PRRG4: variants seen among roughly 807,000 people sequenced by gnomAD.
PRRG4 encodes the protein transmembrane gamma-carboxyglutamic acid protein 4.
PRRG4 carries 12 observed loss-of-function variants against 20.0 expected under a neutral mutation model. The ratio of observed to expected loss-of-function variants is 0.60; its 90% CI spans 0.38 to 0.97. The LOEUF is 0.97. Ranked by LOEUF, PRRG4 falls within the 50% of genes least tolerant of loss-of-function variation. The pLI is 0.00. For synonymous variants in PRRG4, 94 were observed against 96.4 expected, an observed-to-expected ratio of 0.98 and a Z score of 0.15; for missense variants, 199 against 265.1, an observed-to-expected ratio of 0.75 and a Z score of 1.73.
At chr11:32,839,785 G>A (rs12282866) in intron 4 of PRRG4, among the ~76,000 whole-genome samples, 3 of 140,956 alleles carry the variant, frequency 2.1e-5, no homozygotes, top group African/African-American at 5.2e-5. Context: ...AATATATTTT[G>A]AATACTATTA....
At chr11:32,852,799 GTC>G in intron 5 of PRRG4, among the ~76,000 whole-genome samples, 1 of 145,820 alleles carries the variant, frequency 6.9e-6, no homozygotes, top group South Asian at 2.2e-4. Flanking sequence ...TTTAGATGGA[GTC>G]TCTCTCTGTC....
intron 5 of PRRG4, among the ~76,000 whole-genome samples, chr11:32,844,212 C>T (rs1851105696): frequency 6.6e-6 from 1 of 152,136 alleles, no homozygotes; most frequent in Admixed American, 6.6e-5. Context: ...GTTACTTAAA[C>T]TTATACTCTG....
chr11:32,850,821 G>A (rs1215395927), intron 5 of PRRG4, among the ~76,000 whole-genome samples: 1 of 152,208 alleles, frequency 6.6e-6, no homozygotes, highest in African/African-American at 2.4e-5. Flanking sequence ...TGTAATCCCA[G>A]CACTTTGGGA....
chr11:32,842,001 G>T (rs1164356946), intron 5 of PRRG4, among the ~76,000 whole-genome samples: 1 of 152,052 alleles, frequency 6.6e-6, no homozygotes, highest in Non-Finnish European at 1.5e-5. Flanking sequence ...TTTTTAATTG[G>T]TTAAATATTT....
intron 2 of PRRG4, 119 bp downstream of exon 2, chr11:32,830,751 T>C (rs1048156339): frequency 1.5e-5 from 22 of 1,468,628 alleles, no homozygotes; most frequent in Non-Finnish European, 1.9e-5. Flanking sequence ...ATCCTTTAGT[T>C]TAATTTGTGG....
chr11:32,840,669 AG>A lies in PRRG4; in HGVS notation c.449+432del, dbSNP rs1851068916. 1.3e-5 allele frequency among the ~76,000 whole-genome samples: 2 copies of A among 152,176 alleles called. No homozygotes were observed. The highest frequency in any genetic ancestry group is 6.5e-5 in the Admixed American group (1 of 15,274). On this transcript the variant is annotated intron_variant, in intron 5 of 5. Transcript: ENST00000257836. This position sits in a 1 kb window ranked among gnomAD's most constrained non-coding sequence, Gnocchi z 4.1. ...AAACAACCTAATGATGCTATTTCTA[AG>A]GTCCTTCGAAAGAATACAAGAAGTT...
chr11:32,856,865 C>T lies in PRRG4; in HGVS notation c.*3338C>T, dbSNP rs1232964198. 6.6e-6 allele frequency: 1 copy of T among 152,144 alleles called. No homozygotes were observed. Among genetic ancestry groups the T allele is most frequent in the African/African-American group, 2.4e-5 (1 of 41,422 alleles). The allele number at this position is 152,144 out of a possible 1,614,324, so 9.4% of individuals were successfully genotyped here. ...TTTAATTTTTTGAGACAAGGTCTTGCTCTGCTACCCAGGCTGGAGTGCAGT... is the reference window on the plus strand; with the variant it reads ...TTTAATTTTTTGAGACAAGGTCTTGTTCTGCTACCCAGGCTGGAGTGCAGT... On this transcript the variant is annotated 3_prime_UTR_variant, in exon 6 of 6. Coordinates refer to ENST00000257836, the MANE Select transcript of PRRG4 (RefSeq NM_024081.6).
At chr11:32,843,160 A>C (rs575915495) in intron 5 of PRRG4, among the ~76,000 whole-genome samples, 4 of 152,240 alleles carry the variant, frequency 2.6e-5, no homozygotes, top group African/African-American at 9.6e-5. Context: ...AGTTTAAAGT[A>C]GGTTGTTTCA....
chr11:32,830,589 T>C lies in PRRG4; in HGVS notation c.60T>C (p.His20=). The change falls in exon 2 of 6, where the codon CAT becomes CAC. Residue 20 remains histidine, a synonymous_variant. Coordinates refer to ENST00000257836, the MANE Select transcript of PRRG4 (RefSeq NM_024081.6). ...CCACAGTTACCCTGGGGTTTCCTCA[T>C]TGCGCAAGAGGTCCAAAGGCTTCTA... ...QLPTVTLGFP[H]CARGPKASKH... is the part of the protein sequence containing the mutation. 1 of 1,612,676 alleles carries C rather than the reference T, an allele frequency of 6.2e-7. No homozygotes were observed. The highest frequency in any genetic ancestry group is 2.2e-5 in the East Asian group (1 of 44,858).
intron 2 of PRRG4, 131 bp downstream of exon 2, chr11:32,830,763 A>AT: frequency 7.0e-7 from 1 of 1,421,710 alleles, no homozygotes; most frequent in Non-Finnish European, 9.4e-7. Flanking sequence ...AATTTGTGGC[A>AT]TATTTGGCAA....
intron 5 of PRRG4, among the ~76,000 whole-genome samples, chr11:32,845,853 TA>T (rs1319686448): frequency 2.0e-5 from 3 of 151,710 alleles, no homozygotes; most frequent in Non-Finnish European, 4.4e-5. Context: ...AAAGATTTTT[TA>T]AAAAAATAAT....
chr11:32,836,919 C>A, intron 3 of PRRG4, 98 bp downstream of exon 3: 3 of 948,676 alleles, frequency 3.2e-6, no homozygotes, highest in African/African-American at 1.7e-5. Flanking sequence ...TAAACACAAT[C>A]AGGATTATGT....
At chr11:32,844,128 T>G (rs1183144656) in intron 5 of PRRG4, among the ~76,000 whole-genome samples, 1 of 152,222 alleles carries the variant, frequency 6.6e-6, no homozygotes, top group Non-Finnish European at 1.5e-5. Flanking sequence ...TGGTTCACTG[T>G]GTGAGCTCTG....
chr11:32,847,159 G>A (rs1391452540), intron 5 of PRRG4, among the ~76,000 whole-genome samples: 1 of 151,950 alleles, frequency 6.6e-6, no homozygotes, highest in Non-Finnish European at 1.5e-5. Flanking sequence ...TTTTTTTTGA[G>A]ACAGAGTTTC....
Position 32,831,925 on chromosome 11 carries a change from G to T in PRRG4, c.103+1293G>T, listed in dbSNP as rs149212460. 6.6e-5 allele frequency among the ~76,000 whole-genome samples: 10 copies of T among 152,212 alleles called. 1 individual carries two copies. The East Asian group carries it at 1.9e-3, about 29-fold the overall frequency. On this transcript the variant is annotated intron_variant, in intron 2 of 5. Transcript: ENST00000257836. ...AATCCCAGCTACCCGGGAGGCAGAG[G>T]CTGCAGTGAGCTGAGATCGTGCCAC...
In PRRG4 at chr11:32,830,622, G is replaced by T; in HGVS notation, c.93G>T (p.Ala31=). Residue 31 remains alanine (A), a synonymous_variant, in exon 2 of 6, where the codon GCG becomes GCT. Transcript: ENST00000257836. ...CARGPKASKH[A]GEEVFTSKEE... The stretch of plus-strand genomic sequence containing the variant: ...GAGGTCCAAAGGCTTCTAAGCATGC[G>T]GGAGAAGAAGGTAAGCACTAAAACG... The T allele has an allele frequency of 6.2e-7, 1 of 1,613,860 alleles. No individual in the cohort carries two copies. The highest frequency in any genetic ancestry group is 8.5e-7 in the Non-Finnish European group (1 of 1,179,934).
intron 5 of PRRG4, among the ~76,000 whole-genome samples, chr11:32,850,003 C>G (rs140171621): frequency 6.6e-6 from 1 of 152,352 alleles, no homozygotes; most frequent in African/African-American, 2.4e-5. Context: ...TAGGACTTTT[C>G]ACTAAGATTT....
At chr11:32,830,943 T>C (rs1253597246) in intron 2 of PRRG4, among the ~76,000 whole-genome samples, 1 of 152,218 alleles carries the variant, frequency 6.6e-6, no homozygotes, top group Non-Finnish European at 1.5e-5. Flanking sequence ...TGTGTGGCGA[T>C]TATAATAAGC....
chr11:32,846,546 C>G (rs12795720), intron 5 of PRRG4, among the ~76,000 whole-genome samples: 11,363 of 151,830 alleles, frequency 0.075, 451 homozygotes, highest in Non-Finnish European at 0.089. Context: ...CCCCATGGCT[C>G]TTATAGTCTG....
Sources: gnomAD v4.1 joint callset for allele counts (sites outside exome capture counted in the v4.1 genomes callset) on GRCh38, gnomAD v4.1.1 for gene constraint, Gnocchi (gnomAD v3.1) non-coding constraint, MANE v1.5 for transcripts, NCBI Gene and HGNC (gene_info 2026-07-23, HGNC 2026-07-21) for gene names.